ABCG2: variants seen among roughly 807,000 people sequenced by gnomAD.
The protein encoded by ABCG2 is ATP binding cassette subfamily G member 2 (JR blood group).
A neutral mutation model predicts 73.5 loss-of-function variants in ABCG2; 80 were observed. The observed-to-expected ratio is 1.09, with a 90% CI of 0.91 to 1.31. The LOEUF is 1.31. ABCG2 is among the 50% of genes most tolerant of loss of function. ABCG2 has a pLI of 0.00. For missense variants in ABCG2, 796 were observed against 786.2 expected, an observed-to-expected ratio of 1.01 and a Z score of -0.15; for synonymous variants, 269 against 282.4, an observed-to-expected ratio of 0.95 and a Z score of 0.48.
Position 88,131,101 on chromosome 4 carries a change from A to T in ABCG2, c.491T>A (p.Val164Asp). 6.2e-7 allele frequency: 1 copy of T among 1,613,932 alleles called. No homozygotes were observed. Among genetic ancestry groups the T allele is most frequent in the East Asian group, 2.2e-5 (1 of 44,856 alleles). ...NHEKNERINRVIQELGLDKVA... is the reference protein window; with the variant it reads ...NHEKNERINRDIQELGLDKVA... ...TTTATCCAGACCTAACTCTTGAATG[A>T]CCCTGTTAATCCGTTCGTTTTTTTC... The change falls in exon 5 of 16, where the codon GTC (valine) becomes GAC (aspartate). Residue 164 changes from valine to aspartate, a missense_variant. Val to Asp is a radical substitution (Grantham distance 152). Transcript: ENST00000237612.
chr4:88,176,052 A>G (rs1206573902), intron 1 of ABCG2, among the ~76,000 whole-genome samples: 1 of 152,234 alleles, frequency 6.6e-6, no homozygotes, highest in East Asian at 1.9e-4. Flanking sequence ...CTCTACAGAA[A>G]AATGTTGTTT....
intron 7 of ABCG2, 143 bp from the exon 8 acceptor site, chr4:88,115,201 C>T (rs2725261): frequency 0.39 from 185,377 of 472,466 alleles, 39,309 homozygotes; most frequent in East Asian, 0.62. Context: ...CTTCTTCCCA[C>T]GTAATTTTAC....
chr4:88,109,380 G>T (rs1722979265), intron 9 of ABCG2, among the ~76,000 whole-genome samples: 2 of 152,158 alleles, frequency 1.3e-5, no homozygotes, highest in African/African-American at 4.8e-5. Flanking sequence ...TGAGTATTAT[G>T]ATTAAGATGT....
chr4:88,138,392 C>T (rs1203746902), intron 2 of ABCG2, among the ~76,000 whole-genome samples: 2 of 152,104 alleles, frequency 1.3e-5, no homozygotes, highest in Non-Finnish European at 2.9e-5. Flanking sequence ...TTCTCATGGT[C>T]AGACTGTTTT....
At chr4:88,131,522 G>C (rs1724875865) in intron 4 of ABCG2, among the ~76,000 whole-genome samples, 1 of 152,182 alleles carries the variant, frequency 6.6e-6, no homozygotes, top group South Asian at 2.1e-4. Context: ...TAGGGGAAAA[G>C]AAAGGTGAAG....
rs971157376 is a variant in ABCG2 at position 88,101,284 on chromosome 4, C to T, written c.1313G>A (p.Cys438Tyr). The change falls in exon 11 of 16, where the codon TGT (cysteine) becomes TAT (tyrosine). Residue 438 changes from cysteine (C) to tyrosine (Y), a missense_variant. Cys to Tyr is a radical substitution (Grantham distance 194). Coordinates refer to ENST00000237612, the MANE Select transcript of ABCG2 (RefSeq NM_004827.3). The part of the protein sequence containing the change: ...GVLFFLTTNQ[C>Y]FSSVSAVELF... ...TTCCACGGCTGAAACACTGCTGAAA[C>T]ACTGGTTGGTCGTCAGGAAGAAGAG... 2 of 1,614,024 alleles carry T rather than the reference C, an allele frequency of 1.2e-6. No individual in the cohort carries two copies. The highest frequency in any genetic ancestry group is 2.7e-5 in the African/African-American group (2 of 74,908).
At chr4:88,225,453 G>T (rs1466308812) in intron 1 of ABCG2, among the ~76,000 whole-genome samples, 2 of 152,204 alleles carry the variant, frequency 1.3e-5, no homozygotes, top group African/African-American at 4.8e-5. Flanking sequence ...GCATGATGAG[G>T]TTGGAGAAAG....
chr4:88,108,829 AT>A (rs1722930899), intron 9 of ABCG2, among the ~76,000 whole-genome samples: 1 of 152,142 alleles, frequency 6.6e-6, no homozygotes, highest in Non-Finnish European at 1.5e-5. Flanking sequence ...TCACTTAGAA[AT>A]TTTGGGGGGA....
chr4:88,092,455 C>T (rs2110166539), intron 15 of ABCG2, 74 bp from the exon 16 acceptor site: 1 of 1,473,698 alleles, frequency 6.8e-7, no homozygotes, highest in Non-Finnish European at 9.1e-7. Context: ...ATCCACTGTT[C>T]CTTAAAGGAG....
At chr4:88,121,903 T>A in intron 5 of ABCG2, 111 bp from the exon 6 acceptor site, 1 of 1,059,528 alleles carries the variant, frequency 9.4e-7, no homozygotes, top group South Asian at 1.6e-5. Context: ...TAAGTTCATT[T>A]ATTCTGAACA....
rs564727430 is a variant in ABCG2, at chr4:88,094,146, C to T, written c.1820+431G>A. 1.4e-4 allele frequency among the ~76,000 whole-genome samples: 22 copies of T among 152,202 alleles called. No individual in the cohort carries two copies. In the South Asian group the frequency reaches 3.7e-3, roughly 26 times the overall value. On this transcript the variant is annotated intron_variant, in intron 15 of 15. Transcript: ENST00000237612. ...TGCCTATTTCATTCTTACTACTGTC[C>T]GTGGGTTGGGCTCAGAAGTATCCGT...
intron 1 of ABCG2, among the ~76,000 whole-genome samples, chr4:88,203,878 ATT>A (rs33984901): frequency 2.0e-5 from 3 of 150,800 alleles, no homozygotes; most frequent in East Asian, 1.9e-4. Context: ...GTGGCACAAT[ATT>A]TTTTTTTTAC....
At chr4:88,122,554 G>A (rs371246454) in intron 5 of ABCG2, among the ~76,000 whole-genome samples, 33 of 152,286 alleles carry the variant, frequency 2.2e-4, no homozygotes, top group Admixed American at 1.8e-3. Flanking sequence ...TGGGAAATTC[G>A]AACTGGGTAG....
At chr4:88,128,754 C>T (rs906730555) in intron 5 of ABCG2, among the ~76,000 whole-genome samples, 5 of 152,130 alleles carry the variant, frequency 3.3e-5, no homozygotes, top group Admixed American at 1.3e-4. Flanking sequence ...TGGAACATCA[C>T]ACACTGGGGC....
chr4:88,185,732 G>C (rs1578263140), intron 1 of ABCG2, among the ~76,000 whole-genome samples: 2 of 152,084 alleles, frequency 1.3e-5, no homozygotes, highest in Non-Finnish European at 2.9e-5. Context: ...ACGCACGAAT[G>C]GCAAACAAGT....
intron 13 of ABCG2, among the ~76,000 whole-genome samples, chr4:88,096,305 A>G (rs1410329588): frequency 6.6e-6 from 1 of 152,264 alleles, no homozygotes; most frequent in Non-Finnish European, 1.5e-5. Flanking sequence ...TGGTATATGC[A>G]TAACAATGAT....
intron 1 of ABCG2, among the ~76,000 whole-genome samples, chr4:88,199,858 G>A (rs1038336178): frequency 2.6e-5 from 4 of 151,898 alleles, no homozygotes; most frequent in African/African-American, 9.7e-5. Context: ...AAGATTAGCC[G>A]GGCGTGGTCG....
intron 1 of ABCG2, among the ~76,000 whole-genome samples, chr4:88,196,501 C>T (rs1203230035): frequency 1.3e-5 from 2 of 152,112 alleles, no homozygotes; most frequent in Non-Finnish European, 2.9e-5. Flanking sequence ...CAGCTTCACA[C>T]AAGGATTTTC....
At position 88,118,781 on chromosome 4, in the gene ABCG2, G is replaced by T. The variant is rs1345778170; in HGVS notation, c.690-521C>A. 3.9e-5 allele frequency among the ~76,000 whole-genome samples: 6 copies of T among 152,196 alleles called. No homozygotes were observed. In the South Asian group the frequency reaches 8.3e-4, roughly 21 times the overall value. ...CTATGTCTTTGCTAAATAATTTAGA[G>T]ATAACTTCATTTCAATTTTCACAAT... On this transcript the variant is annotated intron_variant, in intron 6 of 15. Transcript: ENST00000237612.
Sources: gnomAD v4.1 joint callset for allele counts (sites outside exome capture counted in the v4.1 genomes callset) on GRCh38, gnomAD v4.1.1 for gene constraint, MANE v1.5 for transcripts, NCBI Gene and HGNC (gene_info 2026-07-23, HGNC 2026-07-21) for gene names.